The following VPS13C variants were observed in gnomAD, a reference collection of about 807,000 sequenced individuals.
VPS13C encodes intermembrane lipid transfer protein VPS13C.
VPS13C carries 358 observed loss-of-function variants against 456.8 expected under a neutral mutation model. The observed-to-expected ratio is 0.78, with a 90% CI of 0.72 to 0.86. The LOEUF (loss-of-function observed/expected upper bound fraction) is 0.86. Among genes scored for constraint, VPS13C ranks in the 40% least tolerant of loss-of-function variants. The pLI is 0.00. For synonymous variants in VPS13C, 1,578 were observed against 1,486.7 expected (o/e 1.06, Z -1.41); for missense variants, 4,818 against 4,385.4 (o/e 1.10, Z -2.79).
intron 16 of VPS13C, among the ~76,000 whole-genome samples, chr15:61,996,940 T>C (rs1395460960): frequency 2.0e-5 from 3 of 150,310 alleles, no homozygotes; most frequent in Non-Finnish European, 4.4e-5. Context: ...TATATATGAA[T>C]ACATATATCT....
intron 52 of VPS13C, 110 bp from the exon 53 acceptor site, chr15:61,925,658 A>G (rs2043824092): frequency 2.8e-6 from 2 of 720,916 alleles, no homozygotes; most frequent in Admixed American, 8.3e-5. Flanking sequence ...ACAGCCTGCT[A>G]TTATACTAAA....
In VPS13C at chr15:61,945,867, C is replaced by T. The variant is rs2044586787; in HGVS notation, c.4996G>A (p.Gly1666Arg). The change falls in exon 45 of 85, where the codon GGA (glycine) becomes AGA (arginine). Residue 1666 changes from glycine to arginine, a missense_variant. Around this residue, in one of 3 missense-constraint regions of VPS13C, gnomAD observed 4,552 missense variants for 4,130.6 expected, o/e 1.10. Coordinates refer to ENST00000644861, the MANE Select transcript of VPS13C (RefSeq NM_020821.3). ...AGTTGGAACCTAAAGACTTCATCTCCCAAAATAGAGACAGCCTAAAAGTAT... is the reference window on the plus strand; with the variant it reads ...AGTTGGAACCTAAAGACTTCATCTCTCAAAATAGAGACAGCCTAAAAGTAT... Reference protein sequence around the residue: ...SIHKKAVSILGDEVFRFQLTL... With the variant: ...SIHKKAVSILRDEVFRFQLTL... 1 of 1,607,560 alleles carries T rather than the reference C, an allele frequency of 6.2e-7. No individual in the cohort carries two copies. The highest frequency in any genetic ancestry group is 1.1e-5 in the South Asian group (1 of 89,728).
At chr15:61,879,084 C>G (rs1895671059) in intron 73 of VPS13C, among the ~76,000 whole-genome samples, 2 of 152,212 alleles carry the variant, frequency 1.3e-5, no homozygotes, top group South Asian at 2.1e-4. Flanking sequence ...CACAAGTAAT[C>G]TGCCAGTCAA....
At chr15:61,910,346 G>T in intron 63 of VPS13C, 41 bp from the exon 64 acceptor site, 6 of 1,345,496 alleles carry the variant, frequency 4.5e-6, no homozygotes, top group Non-Finnish European at 5.8e-6. Flanking sequence ...AGACAATACC[G>T]TTATATAATA....
chr15:61,874,759 G>T (rs1895287378), intron 77 of VPS13C, 117 bp downstream of exon 77: 23 of 877,814 alleles, frequency 2.6e-5, no homozygotes, highest in Non-Finnish European at 3.8e-5. Context: ...TTTTAAAAGG[G>T]ATTATTAAGA....
At chr15:61,947,130 A>G in intron 43 of VPS13C, 63 bp downstream of exon 43, 1 of 1,094,272 alleles carries the variant, frequency 9.1e-7, no homozygotes, top group Non-Finnish European at 1.3e-6. Flanking sequence ...TAACAGGTAC[A>G]AGCTCATTTT....
chr15:61,890,917 G>A (rs2042631144), intron 66 of VPS13C, among the ~76,000 whole-genome samples: 1 of 152,036 alleles, frequency 6.6e-6, no homozygotes, highest in South Asian at 2.1e-4. Flanking sequence ...CATGGTGGCG[G>A]GCACCTGTAA....
At chr15:62,045,533 TAAG>T (rs1202085929) in intron 1 of VPS13C, among the ~76,000 whole-genome samples, 1 of 151,828 alleles carries the variant, frequency 6.6e-6, no homozygotes, top group Non-Finnish European at 1.5e-5. Context: ...CTGGAGGGTA[TAAG>T]AAAAGGAAAC....
chr15:62,013,263 G>C (rs1415788341), intron 10 of VPS13C, 144 bp from the exon 11 acceptor site: 3 of 526,894 alleles, frequency 5.7e-6, no homozygotes, highest in Non-Finnish European at 6.4e-6. Context: ...ACATAAAAAT[G>C]AGGGGAAAAT....
intron 66 of VPS13C, among the ~76,000 whole-genome samples, chr15:61,905,574 T>C (rs2043131302): frequency 6.6e-6 from 1 of 152,112 alleles, no homozygotes; most frequent in South Asian, 2.1e-4. Flanking sequence ...AAAATTCCTA[T>C]CGTAAGAATT....
Position 61,876,982 on chromosome 15 carries a change from G to A in VPS13C, c.10215C>T (p.Tyr3405=). 6.2e-7 allele frequency: 1 copy of A among 1,603,458 alleles called. No individual in the cohort carries two copies. The highest frequency in any genetic ancestry group is 8.5e-7 in the Non-Finnish European group (1 of 1,174,294). ...DQLIWSVVRH[Y]SEQFLKQMYV... The stretch of plus-strand genomic sequence containing the variant: ...TATGATAGGAAATTACCTGTTCACT[G>A]TAATGCCTAACAACACTCCATATAA... The change falls in exon 75 of 85, where the codon TAC becomes TAT. Residue 3405 remains tyrosine (Y), a synonymous_variant. Coordinates refer to ENST00000644861, the MANE Select transcript of VPS13C (RefSeq NM_020821.3).
chr15:62,049,644 C>A, intron 1 of VPS13C, among the ~76,000 whole-genome samples: 1 of 152,158 alleles, frequency 6.6e-6, no homozygotes, highest in Non-Finnish European at 1.5e-5. Context: ...TGAAGAAAGT[C>A]ATTGGTAGCT....
chr15:61,953,429 C>G (rs1046475471), intron 38 of VPS13C, among the ~76,000 whole-genome samples: 1 of 140,108 alleles, frequency 7.1e-6, no homozygotes, highest in African/African-American at 2.7e-5. Flanking sequence ...GTGATGTTCC[C>G]CTTCCTGTGT....
intron 48 of VPS13C, chr15:61,935,799 A>C (rs1596352286): frequency 6.6e-6 from 1 of 152,298 alleles, no homozygotes; most frequent in Non-Finnish European, 1.5e-5. Flanking sequence ...ACTATAGGAG[A>C]AGCAGTGTTG....
At position 61,978,625 on chromosome 15, in the gene VPS13C, C is replaced by T; in HGVS notation, c.2290+1G>A. On this transcript the variant is annotated splice_donor_variant, in intron 23 of 84. Coordinates refer to ENST00000644861, the MANE Select transcript of VPS13C (RefSeq NM_020821.3). LOFTEE classifies it high-confidence loss of function. Reference sequence around the variant, plus strand: ...ATCCTAAAAGCTGAATAACGGTTTACCTGCTCTTGCAAAAAGTAGTTGTAC... The same window carrying T: ...ATCCTAAAAGCTGAATAACGGTTTATCTGCTCTTGCAAAAAGTAGTTGTAC... 1 of 1,610,422 alleles carries T rather than the reference C, an allele frequency of 6.2e-7. No individual in the cohort carries two copies. The highest frequency in any genetic ancestry group is 8.5e-7 in the Non-Finnish European group (1 of 1,178,660).
chr15:61,875,024 G>T (rs946090034), intron 76 of VPS13C, 73 bp from the exon 77 acceptor site: 9 of 1,316,892 alleles, frequency 6.8e-6, no homozygotes, highest in Non-Finnish European at 9.0e-6. Context: ...AATAGTTCAG[G>T]GTTTGCAAGA....
intron 29 of VPS13C, 111 bp from the exon 30 acceptor site, chr15:61,966,253 A>C (rs2045373015): frequency 3.4e-6 from 2 of 585,168 alleles, no homozygotes; most frequent in South Asian, 3.8e-5. Context: ...TTTTATATAC[A>C]CTGTATATTT....
chr15:62,020,354 A>G (rs558630290), intron 9 of VPS13C, 125 bp downstream of exon 9: 20 of 697,788 alleles, frequency 2.9e-5, no homozygotes, highest in Non-Finnish European at 4.0e-5. Flanking sequence ...AAAGTTGTTT[A>G]GCATGATAAT....
At chr15:61,869,694 C>A in intron 79 of VPS13C, 71 bp from the exon 80 acceptor site, 1 of 1,596,870 alleles carries the variant, frequency 6.3e-7, no homozygotes, top group Non-Finnish European at 8.5e-7. Context: ...CAACCAAAAC[C>A]TGGGCCAGAT....
Sources: gnomAD v4.1 joint callset for allele counts (sites outside exome capture counted in the v4.1 genomes callset) on GRCh38, gnomAD v4.1.1 for gene constraint, gnomAD v4.1.1 regional missense constraint, MANE v1.5 for transcripts, NCBI Gene and HGNC (gene_info 2026-07-23, HGNC 2026-07-21) for gene names.